CCSER1: variants seen among roughly 807,000 people sequenced by gnomAD.
CCSER1 encodes coiled-coil serine rich protein 1.
CCSER1 carries 41 observed loss-of-function variants against 82.0 expected under a neutral mutation model. The observed-to-expected ratio is 0.50, with a 90% CI of 0.39 to 0.65. The LOEUF is 0.65. Among genes scored for constraint, CCSER1 ranks in the 30% least tolerant of loss-of-function variants. The pLI is 0.00. For synonymous variants in CCSER1, 414 were observed against 383.9 expected, an observed-to-expected ratio of 1.08 and a Z score of -0.92; for missense variants, 1,119 against 1,064.2, an observed-to-expected ratio of 1.05 and a Z score of -0.72.
intron 5 of CCSER1, among the ~76,000 whole-genome samples, chr4:90,494,509 T>A (rs1456194603): frequency 2.0e-5 from 3 of 152,170 alleles, no homozygotes; most frequent in African/African-American, 4.8e-5. Context: ...GACTACATAT[T>A]TGGAAGTAAA....
intron 3 of CCSER1, among the ~76,000 whole-genome samples, chr4:90,379,681 T>G (rs1292008735): frequency 1.3e-5 from 2 of 152,182 alleles, no homozygotes; most frequent in African/African-American, 4.8e-5. Flanking sequence ...AATGGCAATT[T>G]AACTTCTACA....
chr4:91,307,464 G>C (rs1192959509), intron 10 of CCSER1, among the ~76,000 whole-genome samples: 1 of 151,822 alleles, frequency 6.6e-6, no homozygotes, highest in African/African-American at 2.4e-5. Context: ...TGTTACAGCT[G>C]TAAGCAAATT....
chr4:90,920,635 C>T (rs1486697169), intron 8 of CCSER1, among the ~76,000 whole-genome samples: 3 of 151,708 alleles, frequency 2.0e-5, no homozygotes, highest in Non-Finnish European at 2.9e-5. Context: ...CTCTTTTGTA[C>T]GTCCCCTCTC....
At position 91,350,440 on chromosome 4, in the gene CCSER1, A is replaced by G. The variant is rs181567484; in HGVS notation, c.2218-248132A>G. On this transcript the variant is annotated intron_variant, in intron 10 of 10. Transcript: ENST00000509176. ...AAAATAGTTTGAAGACTAACATATC[A>G]AAGTTCCTCTTTTTAGTGTCATTTA... is the stretch of plus-strand genomic sequence containing the variant. Among the ~76,000 whole-genome samples the G allele has an allele frequency of 1.7e-3, 258 of 152,272 alleles. 2 individuals carry two copies. Among genetic ancestry groups the G allele is most frequent in the African/African-American group, 5.5e-3 (227 of 41,568 alleles).
chr4:91,407,249 TCA>T (rs1432592684), intron 10 of CCSER1, among the ~76,000 whole-genome samples: 1 of 152,194 alleles, frequency 6.6e-6, no homozygotes, highest in Non-Finnish European at 1.5e-5. Flanking sequence ...ATTAAAGCTC[TCA>T]AAGATTTTAA....
At chr4:91,326,251 T>C (rs1051824187) in intron 10 of CCSER1, among the ~76,000 whole-genome samples, 1 of 152,210 alleles carries the variant, frequency 6.6e-6, no homozygotes, top group African/African-American at 2.4e-5. Context: ...AGAGGTTTAA[T>C]TGACTCACAG....
intron 10 of CCSER1, among the ~76,000 whole-genome samples, chr4:91,516,033 T>C (rs1220858349): frequency 6.6e-6 from 1 of 152,100 alleles, no homozygotes; most frequent in Non-Finnish European, 1.5e-5. Flanking sequence ...GTTCAAGTAT[T>C]TGTCCCACTT....
intron 4 of CCSER1, among the ~76,000 whole-genome samples, chr4:90,435,293 A>C (rs955288213): frequency 1.3e-5 from 2 of 152,146 alleles, no homozygotes; most frequent in African/African-American, 4.8e-5. Flanking sequence ...AAAGATGTTA[A>C]AAATATTTGT....
chr4:91,568,671 T>C (rs917542185), intron 10 of CCSER1, among the ~76,000 whole-genome samples: 1 of 152,198 alleles, frequency 6.6e-6, no homozygotes, highest in Non-Finnish European at 1.5e-5. Context: ...GAAATTCTTG[T>C]ATGGTGTTAT....
At chr4:90,951,252 A>G (rs1455956393) in intron 9 of CCSER1, 1 of 152,032 alleles carries the variant, frequency 6.6e-6, no homozygotes, top group African/African-American at 2.4e-5. Context: ...CCCTTAACAC[A>G]AAGCTTTTCC....
chr4:91,271,850 G>A (rs1452585333), intron 10 of CCSER1, among the ~76,000 whole-genome samples: 2 of 152,064 alleles, frequency 1.3e-5, no homozygotes, highest in African/African-American at 4.8e-5. Flanking sequence ...TGCCTCCTGG[G>A]TTCAAGTGAT....
At chr4:91,399,579 C>T (rs1323007605) in intron 10 of CCSER1, among the ~76,000 whole-genome samples, 1 of 152,006 alleles carries the variant, frequency 6.6e-6, no homozygotes, top group South Asian at 2.1e-4. Context: ...TTCCTGCTCC[C>T]AGGGTTTTAG....
chr4:91,588,063 A>T (rs1764090068), intron 10 of CCSER1, among the ~76,000 whole-genome samples: 1 of 151,624 alleles, frequency 6.6e-6, no homozygotes, highest in Non-Finnish European at 1.5e-5. Context: ...TGTAAGCTTC[A>T]TCTGACTCTC....
intron 10 of CCSER1, among the ~76,000 whole-genome samples, chr4:91,559,433 C>G (rs1762553749): frequency 6.6e-6 from 1 of 151,414 alleles, no homozygotes; most frequent in Non-Finnish European, 1.5e-5. Flanking sequence ...CAAGGTTATT[C>G]TATTAAGATG....
At chr4:90,498,391 A>G (rs1769346877) in intron 5 of CCSER1, among the ~76,000 whole-genome samples, 1 of 152,212 alleles carries the variant, frequency 6.6e-6, no homozygotes. Context: ...AACTGCAGAA[A>G]GCAAAACAAA....
intron 7 of CCSER1, among the ~76,000 whole-genome samples, chr4:90,775,978 CA>C (rs1752838150): frequency 6.6e-6 from 1 of 151,628 alleles, no homozygotes; most frequent in Admixed American, 6.6e-5. Context: ...AAGACTTCTC[CA>C]TCATCTAGTT....
At chr4:91,138,993 T>G (rs1728762964) in intron 10 of CCSER1, among the ~76,000 whole-genome samples, 3 of 152,138 alleles carry the variant, frequency 2.0e-5, no homozygotes. Context: ...GTGGTGAGCA[T>G]AGTACATCAT....
intron 9 of CCSER1, among the ~76,000 whole-genome samples, chr4:90,954,323 A>G (rs1733212629): frequency 2.6e-5 from 4 of 152,054 alleles, no homozygotes; most frequent in African/African-American, 9.7e-5. Context: ...ATATTTTATT[A>G]TAACATGAAC....
intron 1 of CCSER1, among the ~76,000 whole-genome samples, chr4:90,216,540 AAG>A (rs761287908): frequency 1.6e-4 from 24 of 152,190 alleles, no homozygotes; most frequent in Non-Finnish European, 2.8e-4. Flanking sequence ...TCATTTATAA[AAG>A]AGATTTCCAT....
Sources: allele counts gnomAD v4.1 joint callset (sites outside exome capture counted in the v4.1 genomes callset), GRCh38; gene constraint gnomAD v4.1.1; transcripts MANE v1.5; gene names NCBI Gene and HGNC (gene_info 2026-07-23, HGNC 2026-07-21).